The following DMD variants were observed in gnomAD, a reference collection of about 807,000 sequenced individuals.
The protein encoded by DMD is dystrophin.
A neutral mutation model predicts 330.1 loss-of-function variants in DMD; 63 were observed. The observed-to-expected ratio is 0.19, with a 90% confidence interval of 0.16 to 0.24. DMD has a LOEUF of 0.24. Ranked by LOEUF, DMD falls within the 10% of genes least tolerant of loss-of-function variation. The pLI is 1.00. For missense variants in DMD, 3,344 were observed against 2,684.1 expected (o/e 1.25, Z -5.43); for synonymous variants, 1,223 against 959.8 (o/e 1.27, Z -5.07).
intron 60 of DMD, among the ~76,000 whole-genome samples, chrX:31,415,503 G>A (rs1175013870): frequency 8.9e-6 from 1 of 111,744 alleles, no homozygotes; most frequent in African/African-American, 3.3e-5. Flanking sequence ...GGTACAGGCT[G>A]GGGTCTTTTG....
At chrX:31,961,740 GTTTT>G (rs59279553) in intron 45 of DMD, among the ~76,000 whole-genome samples, 1 of 75,638 alleles carries the variant, frequency 1.3e-5, no homozygotes, top group Admixed American at 1.5e-4. Flanking sequence ...AAAGGAAGCG[GTTTT>G]TTTTTTTTTT....
At chrX:32,654,938 A>G (rs944547725) in intron 9 of DMD, among the ~76,000 whole-genome samples, 1 of 111,642 alleles carries the variant, frequency 9.0e-6, no homozygotes, top group Non-Finnish European at 1.9e-5. Flanking sequence ...ATTTGCGTAG[A>G]GGTGTTTACA....
At chrX:32,644,868 A>G in intron 10 of DMD, 96 bp downstream of exon 10, 1 of 1,053,519 alleles carries the variant, frequency 9.5e-7, no homozygotes, top group Non-Finnish European at 1.3e-6. Context: ...TAAATTTCCA[A>G]AATACAAGGA....
chrX:31,735,629 C>T (rs778233891), intron 51 of DMD, among the ~76,000 whole-genome samples: 10 of 111,911 alleles, frequency 8.9e-5, no homozygotes, highest in Non-Finnish European at 1.9e-4. Flanking sequence ...TTCCAAGGAG[C>T]GCAGAATTTA....
chrX:32,739,160 C>A lies in DMD; in HGVS notation c.650-39867G>T, dbSNP rs185919227. Among the ~76,000 whole-genome samples, 10 of 111,546 alleles carry A rather than the reference C, an allele frequency of 9.0e-5. No homozygotes were observed. In the East Asian group the frequency reaches 2.8e-3, roughly 32 times the overall value. ...TCATTTTCTAGATGAGGAAAAGGCT[C>A]AGGGATCTTAAGAAATTTGCACAAG... On this transcript the variant is annotated intron_variant, in intron 7 of 78. Transcript: ENST00000357033.
chrX:32,294,479 C>T (rs1358887903), intron 42 of DMD, among the ~76,000 whole-genome samples: 2 of 111,761 alleles, frequency 1.8e-5, no homozygotes, highest in Admixed American at 9.5e-5. Flanking sequence ...TGCAAAGCTT[C>T]CTGATTTTAA....
intron 2 of DMD, among the ~76,000 whole-genome samples, chrX:32,892,698 GC>G (rs2085331231): frequency 9.0e-6 from 1 of 111,538 alleles, no homozygotes; most frequent in Admixed American, 9.5e-5. Context: ...GGCCTCTAAT[GC>G]CCCCTTTCTT....
intron 54 of DMD, among the ~76,000 whole-genome samples, chrX:31,648,600 G>A (rs1182893400): frequency 4.4e-5 from 3 of 67,674 alleles, no homozygotes; most frequent in Admixed American, 2.3e-4. Flanking sequence ...GTTTCCCTAC[G>A]GGGTGAAAGG....
At chrX:31,867,090 TG>T (rs1299762708) in intron 48 of DMD, among the ~76,000 whole-genome samples, 47 of 56,826 alleles carry the variant, frequency 8.3e-4, no homozygotes, top group African/African-American at 3.9e-3. Flanking sequence ...CAACATATTT[TG>T]ATATATATAT....
intron 7 of DMD, among the ~76,000 whole-genome samples, chrX:32,751,033 A>G (rs2070744400): frequency 8.9e-6 from 1 of 111,831 alleles, no homozygotes; most frequent in Admixed American, 9.5e-5. Flanking sequence ...TGGAACTCTA[A>G]GTCCATTAAA....
At chrX:31,988,473 CAAAAAAAAAAAAAA>C (rs11352664) in intron 44 of DMD, among the ~76,000 whole-genome samples, 1 of 24,150 alleles carries the variant, frequency 4.1e-5, no homozygotes, top group South Asian at 5.4e-3. Context: ...GACTCCATCT[CAAAAAAAAAAAAAA>C]AAAAAAAAAA....
chrX:32,548,406 T>G (rs1192735459), intron 16 of DMD, among the ~76,000 whole-genome samples: 1 of 111,982 alleles, frequency 8.9e-6, no homozygotes, highest in Non-Finnish European at 1.9e-5. Flanking sequence ...AGATTTAATT[T>G]GATGCTGAAG....
intron 9 of DMD, among the ~76,000 whole-genome samples, chrX:32,676,201 C>T (rs1193343478): frequency 9.0e-6 from 1 of 111,422 alleles, no homozygotes; most frequent in East Asian, 2.8e-4. Context: ...AAGAATCCCT[C>T]TTATACATAA....
At chrX:31,910,138 T>C (rs1025525104) in intron 47 of DMD, among the ~76,000 whole-genome samples, 10 of 112,542 alleles carry the variant, frequency 8.9e-5, no homozygotes, top group African/African-American at 3.2e-4. Context: ...AAAGATAGAA[T>C]GAAATGTCTC....
At chrX:31,609,523 G>A (rs1289210930) in intron 55 of DMD, among the ~76,000 whole-genome samples, 3 of 111,990 alleles carry the variant, frequency 2.7e-5, no homozygotes, top group African/African-American at 9.7e-5. Context: ...GTGTGCGTGT[G>A]TGTGTGTGTT....
rs59279553 is a variant in DMD at position 31,961,740 on chromosome X, G to GTTTTTT, written c.6614+6593_6614+6598dup. Among the ~76,000 whole-genome samples, 17 of 75,604 alleles carry GTTTTTT rather than the reference G, an allele frequency of 2.2e-4. 1 individual carries two copies. The highest frequency in any genetic ancestry group is 9.1e-4 in the African/African-American group (17 of 18,710). The allele number at this position is 75,604 out of a possible 115,157, so 65.7% of individuals were successfully genotyped here. ...AAAGAGAATTCAACCAAAGGAAGCGGTTTTTTTTTTTTTTTGTCTTGTTTT... is the reference window on the plus strand; with the variant it reads ...AAAGAGAATTCAACCAAAGGAAGCGGTTTTTTTTTTTTTTTTTTTTTGTCTTGTTTT... On this transcript the variant is annotated intron_variant, in intron 45 of 78. Coordinates refer to ENST00000357033, the MANE Select transcript of DMD (RefSeq NM_004006.3).
At chrX:32,727,312 G>C (rs191431721) in intron 7 of DMD, among the ~76,000 whole-genome samples, 2 of 110,978 alleles carry the variant, frequency 1.8e-5, no homozygotes, top group African/African-American at 6.5e-5. Flanking sequence ...AAATACTAAA[G>C]TAGGTGGAAC....
intron 60 of DMD, among the ~76,000 whole-genome samples, chrX:31,364,928 T>C (rs1290178070): frequency 9.1e-6 from 1 of 109,437 alleles, no homozygotes; most frequent in Non-Finnish European, 1.9e-5. Context: ...ACCCCGTCTG[T>C]ACTAAAAATA....
At chrX:31,444,054 A>C (rs1055248659) in intron 60 of DMD, among the ~76,000 whole-genome samples, 2 of 110,083 alleles carry the variant, frequency 1.8e-5, no homozygotes, top group Admixed American at 9.7e-5. Flanking sequence ...TTTCATGAGA[A>C]CTGGCACCTC....
Sources: allele counts gnomAD v4.1 joint callset (sites outside exome capture counted in the v4.1 genomes callset), GRCh38; gene constraint gnomAD v4.1.1; transcripts MANE v1.5; gene names NCBI Gene and HGNC (gene_info 2026-07-23, HGNC 2026-07-21).